ZPLD1: variants seen among roughly 807,000 people sequenced by gnomAD.
ZPLD1 encodes the protein zona pellucida like domain containing 1, also known as zona pellucida-like domain-containing protein 1.
A neutral mutation model predicts 47.2 loss-of-function variants in ZPLD1; 34 were observed. That is an observed-to-expected ratio of 0.72 (90% CI 0.55 to 0.96). ZPLD1 has a LOEUF of 0.96. Ranked by LOEUF, ZPLD1 falls within the 40% of genes least tolerant of loss-of-function variation. The pLI, the probability that ZPLD1 is intolerant of heterozygous loss-of-function variation, is 0.00. For synonymous variants in ZPLD1, 176 were observed against 186.2 expected (o/e 0.95, Z 0.45); for missense variants, 512 against 505.8 (o/e 1.01, Z -0.12).
rs977462497 is a variant in ZPLD1 at position 102,436,967 on chromosome 3, A to G, written c.-15A>G. 2 of 984,352 alleles carry G rather than the reference A, an allele frequency of 2.0e-6. No individual in the cohort carries two copies. The highest frequency in any genetic ancestry group is 2.4e-6 in the Non-Finnish European group (2 of 828,868). 61.0% of individuals were successfully genotyped at this position (984,352 alleles called of 1,614,324 possible). ...GGAAGTGGTGGAGCATGGAGCATGG[A>G]ATAAATGTGGGTGCAGTGGAGTGTA... On this transcript the variant is annotated 5_prime_UTR_variant, in exon 2 of 12. Coordinates refer to ENST00000466937, the MANE Select transcript of ZPLD1 (RefSeq NM_001329788.2).
At chr3:102,460,636 T>C in intron 6 of ZPLD1, among the ~76,000 whole-genome samples, 1 of 151,952 alleles carries the variant, frequency 6.6e-6, no homozygotes, top group East Asian at 1.9e-4. Context: ...AAAATTAAAA[T>C]GGATATAATT....
chr3:102,409,452 G>A (rs1346931014), intron 7 of ZPLD1, among the ~76,000 whole-genome samples: 3 of 151,730 alleles, frequency 2.0e-5, no homozygotes, highest in Non-Finnish European at 1.5e-5. Context: ...TCAAACCATA[G>A]CACATACCCA....
chr3:102,386,311 A>C (rs1355951213), intron 6 of ZPLD1, among the ~76,000 whole-genome samples: 2 of 148,962 alleles, frequency 1.3e-5, no homozygotes, highest in South Asian at 2.1e-4. Context: ...TTTTCCAAAT[A>C]CAGGTGGCTC....
chr3:102,410,364 A>G (rs1437765298), intron 7 of ZPLD1, among the ~76,000 whole-genome samples: 1 of 151,828 alleles, frequency 6.6e-6, no homozygotes, highest in African/African-American at 2.4e-5. Flanking sequence ...TTGTTTTTCT[A>G]TTACTACACA....
chr3:102,419,747 C>T (rs1301917631), intron 8 of ZPLD1, among the ~76,000 whole-genome samples: 3 of 151,470 alleles, frequency 2.0e-5, no homozygotes, highest in Non-Finnish European at 1.5e-5. Flanking sequence ...CAGTAAATGA[C>T]TAAAGATACA....
At chr3:102,440,631 A>G (rs1266831420) in intron 3 of ZPLD1, among the ~76,000 whole-genome samples, 2 of 151,658 alleles carry the variant, frequency 1.3e-5, no homozygotes, top group Admixed American at 1.3e-4. Context: ...AGATTGCTGT[A>G]TGAGAGTTTA....
intron 3 of ZPLD1, among the ~76,000 whole-genome samples, chr3:102,442,769 A>G (rs900466746): frequency 6.6e-6 from 1 of 152,200 alleles, no homozygotes; most frequent in African/African-American, 2.4e-5. Context: ...ATGACATTAG[A>G]ACTATTTTCT....
At chr3:102,419,799 C>T (rs1706854379) in intron 8 of ZPLD1, among the ~76,000 whole-genome samples, 2 of 151,594 alleles carry the variant, frequency 1.3e-5, no homozygotes, top group African/African-American at 4.8e-5. Flanking sequence ...ACTTTAAGTT[C>T]ATGAGTAGAG....
intron 8 of ZPLD1, among the ~76,000 whole-genome samples, chr3:102,428,338 G>C (rs1263039969): frequency 2.0e-5 from 3 of 152,030 alleles, no homozygotes; most frequent in East Asian, 3.9e-4. Context: ...ACTTTTCTTT[G>C]TGTTCACTAT....
chr3:102,450,372 C>T (rs1169077490), intron 3 of ZPLD1, among the ~76,000 whole-genome samples: 2 of 152,084 alleles, frequency 1.3e-5, no homozygotes, highest in African/African-American at 4.8e-5. Flanking sequence ...TTATCTTTCC[C>T]CCAATTGTTC....
At chr3:102,475,148 T>C (rs552138497) in intron 10 of ZPLD1, among the ~76,000 whole-genome samples, 15 of 152,242 alleles carry the variant, frequency 9.9e-5, no homozygotes, top group African/African-American at 3.1e-4. Context: ...AAAGGTAGTA[T>C]GCTTTCATTT....
At chr3:102,476,818 T>C (rs1157638998) in intron 10 of ZPLD1, among the ~76,000 whole-genome samples, 194 bp from the exon 11 acceptor site, 3 of 151,988 alleles carry the variant, frequency 2.0e-5, no homozygotes, top group Non-Finnish European at 2.9e-5. Context: ...ATCCAGGACA[T>C]ATGAAACAGG....
chr3:102,465,729 T>A (rs189425872), intron 8 of ZPLD1, among the ~76,000 whole-genome samples: 74 of 152,238 alleles, frequency 4.9e-4, no homozygotes, highest in African/African-American at 1.5e-3. Context: ...GTGAAATGCA[T>A]AACTAAAGAA....
chr3:102,395,489 T>C (rs1210841847), intron 7 of ZPLD1, among the ~76,000 whole-genome samples: 1 of 152,030 alleles, frequency 6.6e-6, no homozygotes, highest in East Asian at 1.9e-4. Flanking sequence ...AGCTAAGGAA[T>C]GTAGGCAGCC....
intron 9 of ZPLD1, 39 bp from the exon 10 acceptor site, chr3:102,470,355 G>T (rs764688700): frequency 6.6e-7 from 1 of 1,526,206 alleles, no homozygotes; most frequent in Non-Finnish European, 9.1e-7. Context: ...ACAATTCTGC[G>T]CCGGTGTGGA....
chr3:102,440,418 A>G (rs1177351679), intron 3 of ZPLD1, among the ~76,000 whole-genome samples: 2 of 152,182 alleles, frequency 1.3e-5, no homozygotes, highest in African/African-American at 4.8e-5. Context: ...GAAAGAGAAG[A>G]TTAAAGGATG....
In ZPLD1 at chr3:102,414,828, T is replaced by A. The variant is rs73146585; in HGVS notation, c.-156-3232T>A. ...CATATATGAACAATATATCAGTATT[T>A]CCAGTAATGGTCTTAAAGTAATAAA... is the stretch of plus-strand genomic sequence containing the variant. On this transcript the variant is annotated intron_variant, in intron 7 of 17. Transcript: ENST00000491959. Among the ~76,000 whole-genome samples, 1,042 of 151,984 alleles carry A rather than the reference T, an allele frequency of 6.9e-3. 7 individuals carry two copies. The highest frequency in any genetic ancestry group is 0.011 in the Non-Finnish European group (769 of 67,870).
intron 6 of ZPLD1, among the ~76,000 whole-genome samples, chr3:102,388,402 C>G (rs182536358): frequency 1.4e-5 from 2 of 145,686 alleles, no homozygotes; most frequent in Admixed American, 6.9e-5. Flanking sequence ...ACGTATTAAG[C>G]TATATTATTG....
At chr3:102,445,859 T>C (rs1282193521) in intron 3 of ZPLD1, among the ~76,000 whole-genome samples, 1 of 152,220 alleles carries the variant, frequency 6.6e-6, no homozygotes, top group Non-Finnish European at 1.5e-5. Flanking sequence ...CCAAGGCTAA[T>C]ACACTTAAAG....
Sources: gnomAD v4.1 joint callset for allele counts (sites outside exome capture counted in the v4.1 genomes callset) on GRCh38, gnomAD v4.1.1 for gene constraint, MANE v1.5 for transcripts, NCBI Gene and HGNC (gene_info 2026-07-23, HGNC 2026-07-21) for gene names.